Variants in UVRAG observed in about 807,000 individuals in gnomAD.
The protein encoded by UVRAG is UV radiation resistance associated.
In UVRAG, 19 loss-of-function variants were observed where a neutral mutation model predicts 78.0. The ratio of observed to expected loss-of-function variants is 0.24; its 90% CI spans 0.17 to 0.36. UVRAG has a LOEUF of 0.36. Among genes scored for constraint, UVRAG ranks in the 10% least tolerant of loss-of-function variants. The pLI is 1.00. For synonymous variants in UVRAG, 323 were observed against 324.6 expected (o/e 1.00, Z 0.05); for missense variants, 740 against 853.8 (o/e 0.87, Z 1.66).
intron 6 of UVRAG, among the ~76,000 whole-genome samples, chr11:75,935,305 G>A (rs1331005983): frequency 6.6e-6 from 1 of 152,158 alleles, no homozygotes; most frequent in East Asian, 1.9e-4. Context: ...TCTTCTCCAA[G>A]GTCAGTGGAA....
At chr11:75,958,912 A>C (rs1181136050) in intron 6 of UVRAG, among the ~76,000 whole-genome samples, 1 of 152,228 alleles carries the variant, frequency 6.6e-6, no homozygotes, top group African/African-American at 2.4e-5. Flanking sequence ...CTCCTTGTAC[A>C]TGCCCATCAG....
chr11:76,092,488 C>T (rs901762964), intron 13 of UVRAG, among the ~76,000 whole-genome samples: 2 of 152,220 alleles, frequency 1.3e-5, no homozygotes, highest in African/African-American at 2.4e-5. Context: ...TCCACATCCT[C>T]TCCAGCACCT....
chr11:76,136,766 G>A (rs1371549460), intron 14 of UVRAG, among the ~76,000 whole-genome samples: 1 of 151,972 alleles, frequency 6.6e-6, no homozygotes, highest in East Asian at 1.9e-4. Flanking sequence ...CCAAAGTGCT[G>A]GGATCACAGG....
chr11:75,827,951 T>G (rs552620550), intron 1 of UVRAG, among the ~76,000 whole-genome samples: 1 of 151,958 alleles, frequency 6.6e-6, no homozygotes, highest in African/African-American at 2.4e-5. Flanking sequence ...CTCAAGAAAA[T>G]CAGTATTGCT....
At chr11:75,861,899 C>T (rs537787234) in intron 3 of UVRAG, 119 bp downstream of exon 3, 7 of 787,590 alleles carry the variant, frequency 8.9e-6, no homozygotes, top group African/African-American at 6.9e-5. Context: ...AACGGATCTG[C>T]TCAATTGTTA....
chr11:75,983,286 A>G (rs1269578049), intron 7 of UVRAG, 101 bp from the exon 8 acceptor site: 4 of 1,118,832 alleles, frequency 3.6e-6, no homozygotes, highest in African/African-American at 1.6e-5. Flanking sequence ...GAGTATTAAA[A>G]TGTTTTAAGC....
intron 2 of UVRAG, among the ~76,000 whole-genome samples, chr11:75,855,154 T>A (rs1946260627): frequency 6.6e-6 from 1 of 152,218 alleles, no homozygotes; most frequent in South Asian, 2.1e-4. Flanking sequence ...GAAAGCAAAG[T>A]GCCTTTTTTG....
At chr11:75,928,269 G>A (rs1463424136) in intron 6 of UVRAG, among the ~76,000 whole-genome samples, 1 of 152,126 alleles carries the variant, frequency 6.6e-6, no homozygotes, top group Admixed American at 6.6e-5. Context: ...CCTCACTCCT[G>A]AAAGAGCTTG....
At chr11:75,834,893 G>T (rs1366104554) in intron 1 of UVRAG, among the ~76,000 whole-genome samples, 1 of 152,124 alleles carries the variant, frequency 6.6e-6, no homozygotes, top group African/African-American at 2.4e-5. Flanking sequence ...GCCCAGCCTG[G>T]TCTGGAACTC....
At chr11:75,971,034 C>T (rs1949112375) in intron 7 of UVRAG, among the ~76,000 whole-genome samples, 1 of 152,182 alleles carries the variant, frequency 6.6e-6, no homozygotes, top group South Asian at 2.1e-4. Context: ...TTTCTCCCTC[C>T]TCTGGCAACT....
chr11:76,125,031 C>T (rs1029753380), intron 14 of UVRAG, among the ~76,000 whole-genome samples: 3 of 152,028 alleles, frequency 2.0e-5, no homozygotes, highest in Admixed American at 1.3e-4. Flanking sequence ...TTTTTAGAAA[C>T]AGATCTACTC....
Position 76,123,800 on chromosome 11 carries a change from C to G in UVRAG, c.1397+7785C>G, listed in dbSNP as rs375019459. Among the ~76,000 whole-genome samples the G allele has an allele frequency of 5.9e-5, 9 of 151,606 alleles. 1 individual carries two copies. In the East Asian group the frequency reaches 1.7e-3, roughly 29 times the overall value. On this transcript the variant is annotated intron_variant, in intron 14 of 14. Coordinates refer to ENST00000356136, the MANE Select transcript of UVRAG (RefSeq NM_003369.4). The stretch of plus-strand genomic sequence containing the variant: ...TGTTTTGTTGAGATGGAGTCTCGCT[C>G]TGTCACTCAGGCTGGAGTGCAGTGG...
intron 7 of UVRAG, among the ~76,000 whole-genome samples, chr11:75,963,169 TTCTC>T (rs1948940189): frequency 6.6e-6 from 1 of 152,208 alleles, no homozygotes; most frequent in African/African-American, 2.4e-5. Context: ...TTGCATATTT[TTCTC>T]TCTCTCTAAG....
chr11:75,917,301 C>T (rs548501027), intron 6 of UVRAG, among the ~76,000 whole-genome samples: 1 of 152,232 alleles, frequency 6.6e-6, no homozygotes, highest in South Asian at 2.1e-4. Flanking sequence ...TCTAAACAGT[C>T]ATAATAAAAA....
intron 12 of UVRAG, among the ~76,000 whole-genome samples, chr11:76,027,722 G>A (rs576695807): frequency 1.3e-5 from 2 of 152,242 alleles, no homozygotes; most frequent in South Asian, 2.1e-4. Flanking sequence ...GGAATCCTAG[G>A]CATGTAAGTT....
intron 11 of UVRAG, among the ~76,000 whole-genome samples, chr11:76,012,295 A>T (rs1329580952): frequency 6.6e-6 from 1 of 152,076 alleles, no homozygotes; most frequent in African/African-American, 2.4e-5. Context: ...CTGTAAGGAA[A>T]GGAATTACCC....
chr11:75,874,561 C>T (rs1362238285), intron 3 of UVRAG, among the ~76,000 whole-genome samples: 2 of 152,092 alleles, frequency 1.3e-5, no homozygotes, highest in Admixed American at 1.3e-4. Flanking sequence ...AACAAATTGT[C>T]TTATTTACTT....
intron 2 of UVRAG, among the ~76,000 whole-genome samples, chr11:75,858,879 AC>A (rs1946352783): frequency 2.6e-5 from 4 of 152,216 alleles, no homozygotes. Context: ...GAATAGATAC[AC>A]CATATCTATG....
chr11:76,018,475 T>G (rs1750215204), intron 12 of UVRAG, among the ~76,000 whole-genome samples: 1 of 152,166 alleles, frequency 6.6e-6, no homozygotes, highest in South Asian at 2.1e-4. Flanking sequence ...AGTGGCGCAA[T>G]CTCGGCTCAC....
Sources: gnomAD v4.1 joint callset for allele counts (sites outside exome capture counted in the v4.1 genomes callset) on GRCh38, gnomAD v4.1.1 for gene constraint, MANE v1.5 for transcripts, NCBI Gene and HGNC (gene_info 2026-07-23, HGNC 2026-07-21) for gene names.